TRMT11: variants seen among roughly 807,000 people sequenced by gnomAD.
The protein encoded by TRMT11 is tRNA (guanine(10)-N(2))-methyltransferase TRMT11.
Under a neutral mutation model 62.8 loss-of-function variants are expected in TRMT11, and 53 were observed. That is an observed-to-expected ratio of 0.84 (90% CI 0.68 to 1.06). The LOEUF is 1.06. Among genes scored for constraint, TRMT11 ranks in the 50% least tolerant of loss-of-function variants. The pLI is 0.00. For synonymous variants in TRMT11, 188 were observed against 190.3 expected, an observed-to-expected ratio of 0.99 and a Z score of 0.10; for missense variants, 556 against 553.4, an observed-to-expected ratio of 1.00 and a Z score of -0.05.
intron 17 of TRMT11, among the ~76,000 whole-genome samples, chr6:126,102,567 G>A (rs1020787501): frequency 7.2e-6 from 1 of 138,730 alleles, no homozygotes; most frequent in Non-Finnish European, 1.5e-5. Flanking sequence ...CAGTGATTTA[G>A]TATGAGAATC....
the TRMT11 span, among the ~76,000 whole-genome samples, chr6:126,245,867 G>A: frequency 3.9e-5 from 6 of 152,144 alleles, no homozygotes; most frequent in Non-Finnish European, 8.8e-5. Context: ...GGAGGCCAAG[G>A]TGGGAGAATC....
chr6:126,022,780 T>C (rs1183117215), intron 12 of TRMT11, among the ~76,000 whole-genome samples: 1 of 152,246 alleles, frequency 6.6e-6, no homozygotes, highest in Non-Finnish European at 1.5e-5. Context: ...TGGTATCTAC[T>C]ATATGTATAT....
the TRMT11 span, among the ~76,000 whole-genome samples, chr6:126,261,680 G>T: frequency 3.3e-5 from 5 of 152,196 alleles, no homozygotes; most frequent in Admixed American, 3.3e-4. Flanking sequence ...TGGACTCCAT[G>T]AAGTTTCTTC....
chr6:126,195,947 G>T (rs949458024), intron 1 of TRMT11, among the ~76,000 whole-genome samples: 8 of 152,166 alleles, frequency 5.3e-5, no homozygotes, highest in African/African-American at 1.4e-4. Flanking sequence ...TATGAGGGCT[G>T]CTGGGCTAGC....
Position 125,999,533 on chromosome 6 carries a change from A to G in TRMT11, c.599A>G (p.Asp200Gly). The change falls in exon 7 of 13, where the codon GAT becomes GGT. Residue 200 changes from aspartate to glycine, a missense_variant. Transcript: ENST00000334379. ...CACTTTATTGGAAATACAAGTATGGATGCTGGTTTGTCATTCATTATGGCT... is the reference window on the plus strand; with the variant it reads ...CACTTTATTGGAAATACAAGTATGGGTGCTGGTTTGTCATTCATTATGGCT... ...KRHFIGNTSM[D>G]AGLSFIMANH... 6.2e-7 allele frequency: 1 copy of G among 1,612,310 alleles called. No individual in the cohort carries two copies. The highest frequency in any genetic ancestry group is 8.5e-7 in the Non-Finnish European group (1 of 1,178,846).
At chr6:126,080,434 A>G (rs956531758) in intron 17 of TRMT11, among the ~76,000 whole-genome samples, 2 of 152,098 alleles carry the variant, frequency 1.3e-5, no homozygotes, top group Non-Finnish European at 2.9e-5. Flanking sequence ...TTAAGTTTCC[A>G]TAATGGAGAG....
chr6:126,065,062 A>C (rs1445634150), intron 17 of TRMT11, among the ~76,000 whole-genome samples: 3 of 152,198 alleles, frequency 2.0e-5, no homozygotes, highest in Admixed American at 1.3e-4. Flanking sequence ...AGTCCTTATC[A>C]GCAGAAGTGT....
intron 7 of TRMT11, 87 bp from the exon 8 acceptor site, chr6:126,008,305 A>G (rs1793665638): frequency 6.5e-6 from 7 of 1,073,294 alleles, no homozygotes; most frequent in African/African-American, 3.1e-5. Context: ...GCCTGCAGCT[A>G]GTTTCTAAGA....
rs552581081 is a variant in TRMT11, at chr6:126,005,981, T to C, written c.680-2411T>C. The stretch of plus-strand genomic sequence containing the variant: ...TGTAGCTCCTTTTGAAGTTTTATCA[T>C]TGTAAAATAGTGGACGCAGAAACCA... On this transcript the variant is annotated intron_variant, in intron 7 of 12. Transcript: ENST00000334379. Among the ~76,000 whole-genome samples, 27 of 152,054 alleles carry C rather than the reference T, an allele frequency of 1.8e-4. 1 individual carries two copies. Among genetic ancestry groups the C allele is most frequent in the African/African-American group, 6.0e-4 (25 of 41,506 alleles).
At chr6:126,093,631 A>ATTTTTTT (rs145963759) in intron 17 of TRMT11, among the ~76,000 whole-genome samples, 3 of 98,014 alleles carry the variant, frequency 3.1e-5, no homozygotes, top group African/African-American at 1.3e-4. Context: ...ATATATATAT[A>ATTTTTTT]TTTTCCCCCA....
chr6:126,183,540 G>A (rs1046175664), intron 1 of TRMT11, among the ~76,000 whole-genome samples: 1 of 152,114 alleles, frequency 6.6e-6, no homozygotes. Flanking sequence ...AGCCTACTTG[G>A]GCAGTTTAGA....
At chr6:126,104,682 G>T (rs1777444511) in intron 17 of TRMT11, among the ~76,000 whole-genome samples, 1 of 152,214 alleles carries the variant, frequency 6.6e-6, no homozygotes, top group African/African-American at 2.4e-5. Context: ...CAAATTTGCA[G>T]GAAGCAGTAC....
chr6:126,137,472 AAAT>A (rs1419560964), intron 21 of TRMT11, among the ~76,000 whole-genome samples: 1 of 151,744 alleles, frequency 6.6e-6, no homozygotes, highest in African/African-American at 2.4e-5. Flanking sequence ...AAAAAAGAAA[AAAT>A]AACGAATGCT....
chr6:126,062,616 G>A (rs1776568051), intron 17 of TRMT11, among the ~76,000 whole-genome samples: 1 of 152,148 alleles, frequency 6.6e-6, no homozygotes, highest in African/African-American at 2.4e-5. Context: ...ACACATGAAT[G>A]AATAACTTAT....
chr6:126,151,933 TTC>T (rs1465873005), intron 21 of TRMT11, among the ~76,000 whole-genome samples: 1 of 107,288 alleles, frequency 9.3e-6, no homozygotes, highest in African/African-American at 4.4e-5. Context: ...CTTTCTTTCT[TTC>T]TTTCTTTCTT....
At chr6:125,998,351 T>A (rs1308477972) in intron 5 of TRMT11, 36 bp downstream of exon 5, 3 of 1,419,500 alleles carry the variant, frequency 2.1e-6, no homozygotes, top group Non-Finnish European at 3.0e-6. Context: ...ACCTACATGA[T>A]GAATGCAGTC....
intron 12 of TRMT11, among the ~76,000 whole-genome samples, chr6:126,027,721 T>C (rs1409420201): frequency 6.6e-6 from 1 of 152,182 alleles, no homozygotes; most frequent in Non-Finnish European, 1.5e-5. Flanking sequence ...GATGACAGTT[T>C]ATGTAATTTT....
At chr6:126,008,576 T>C (rs574783877) in intron 8 of TRMT11, 104 bp downstream of exon 8, 2 of 950,676 alleles carry the variant, frequency 2.1e-6, no homozygotes, top group African/African-American at 1.6e-5. Flanking sequence ...ATTGCACAGG[T>C]CCACTTATAC....
chr6:126,059,951 G>A (rs1019013794), intron 17 of TRMT11, among the ~76,000 whole-genome samples: 4 of 152,138 alleles, frequency 2.6e-5, no homozygotes, highest in African/African-American at 9.7e-5. Flanking sequence ...AAACAGCTCT[G>A]AGGAAATACT....
Sources: gnomAD v4.1 joint callset for allele counts (sites outside exome capture counted in the v4.1 genomes callset) on GRCh38, gnomAD v4.1.1 for gene constraint, MANE v1.5 for transcripts, NCBI Gene and HGNC (gene_info 2026-07-23, HGNC 2026-07-21) for gene names.